Variants in VWA3B observed in about 807,000 individuals in gnomAD.
VWA3B encodes von Willebrand factor A domain-containing protein 3B.
In VWA3B, 138 loss-of-function variants were observed where a neutral mutation model predicts 158.3. The observed-to-expected ratio is 0.87, with a 90% confidence interval of 0.76 to 1.00. The LOEUF (loss-of-function observed/expected upper bound fraction) is 1.00, where lower values mean the gene tolerates loss of function less well. Ranked by LOEUF, VWA3B falls within the 50% of genes least tolerant of loss-of-function variation. The pLI, the probability that VWA3B is intolerant of heterozygous loss-of-function variation, is 0.00. For missense variants in VWA3B, 1,555 were observed against 1,565.1 expected (o/e 0.99, Z 0.11); for synonymous variants, 596 against 587.3 (o/e 1.01, Z -0.21).
chr2:98,124,799 A>G (rs951547407), intron 5 of VWA3B, among the ~76,000 whole-genome samples: 1 of 152,178 alleles, frequency 6.6e-6, no homozygotes, highest in African/African-American at 2.4e-5. Context: ...CACACTCCTA[A>G]TCTGTTTCTT....
chr2:98,294,907 C>A (rs1689711205), intron 23 of VWA3B, among the ~76,000 whole-genome samples: 2 of 152,222 alleles, frequency 1.3e-5, no homozygotes, highest in Admixed American at 1.3e-4. Context: ...CAATGAAACC[C>A]TTCATAAACT....
chr2:98,217,898 A>G lies in VWA3B; in HGVS notation c.1889A>G (p.Tyr630Cys). ...AAACGTTTTCAGGAAATTCCTATTT[A>G]TACCATCTCCTTCAATTACAATGAT... Reference protein sequence around the residue: ...QVKRFQEIPIYTISFNYNDEI... With the variant: ...QVKRFQEIPICTISFNYNDEI... The change falls in exon 14 of 28, where the codon TAT (tyrosine) becomes TGT (cysteine). Residue 630 changes from tyrosine (Y) to cysteine (C), a missense_variant. Coordinates refer to ENST00000477737, the MANE Select transcript of VWA3B (RefSeq NM_144992.5). The G allele has an allele frequency of 6.2e-7, 1 of 1,612,896 alleles. No individual in the cohort carries two copies. Among genetic ancestry groups the G allele is most frequent in the Non-Finnish European group, 8.5e-7 (1 of 1,179,476 alleles).
chr2:98,241,843 CT>C lies in VWA3B; in HGVS notation c.2673+5114del, dbSNP rs1460047572. Among the ~76,000 whole-genome samples the C allele has an allele frequency of 2.6e-5, 4 of 152,220 alleles. No individual in the cohort carries two copies. The East Asian group carries it at 7.7e-4, about 29-fold the overall frequency. On this transcript the variant is annotated intron_variant, in intron 19 of 27. Coordinates refer to ENST00000477737, the MANE Select transcript of VWA3B (RefSeq NM_144992.5). ...CCTCCCTTATTCATAGTAAGAATCA[CT>C]CTGATGACAGGCATATACTGCAGTG...
At chr2:98,325,817 C>T in the VWA3B span, among the ~76,000 whole-genome samples, 1 of 152,104 alleles carries the variant, frequency 6.6e-6, no homozygotes, top group East Asian at 1.9e-4. Flanking sequence ...AACAAGTAGA[C>T]CAAAACCAAA....
intron 14 of VWA3B, among the ~76,000 whole-genome samples, chr2:98,218,901 A>T (rs1456239592): frequency 6.6e-6 from 1 of 152,198 alleles, no homozygotes; most frequent in East Asian, 1.9e-4. Flanking sequence ...TGGAAACTTC[A>T]TAATCCTTTG....
intron 8 of VWA3B, among the ~76,000 whole-genome samples, chr2:98,180,101 T>G (rs1477416795): frequency 2.0e-5 from 3 of 147,496 alleles, no homozygotes; most frequent in Non-Finnish European, 4.5e-5. Context: ...TCTTTCTTTC[T>G]TTTCTTTCTT....
Position 98,133,057 on chromosome 2 carries a change from A to G in VWA3B, c.873-767A>G, listed in dbSNP as rs79992257. On this transcript the variant is annotated intron_variant, in intron 6 of 27. Transcript: ENST00000477737. ...GTCCACCTGAAAGAAATGTCCTGCT[A>G]TTTATGGACTTTTTGGATTCCAGTT... 5.1e-3 allele frequency among the ~76,000 whole-genome samples: 778 copies of G among 152,232 alleles called. 17 individuals are homozygous for G. In the East Asian group the frequency reaches 0.088, roughly 17 times the overall value.
chr2:98,292,662 G>A (rs557601806), intron 23 of VWA3B, among the ~76,000 whole-genome samples: 12 of 152,050 alleles, frequency 7.9e-5, no homozygotes, highest in South Asian at 4.2e-4. Context: ...ACTAGTAGTC[G>A]AATGAAAATA....
chr2:98,142,040 G>A (rs1676811361), intron 7 of VWA3B, among the ~76,000 whole-genome samples: 1 of 152,088 alleles, frequency 6.6e-6, no homozygotes, highest in South Asian at 2.1e-4. Context: ...TCCTCTGGTT[G>A]GGTGGGAAAT....
chr2:98,265,338 C>A (rs1386402517), intron 21 of VWA3B, among the ~76,000 whole-genome samples: 1 of 151,560 alleles, frequency 6.6e-6, no homozygotes, highest in Non-Finnish European at 1.5e-5. Context: ...ATGATGATTT[C>A]CAATTTCATC....
intron 22 of VWA3B, among the ~76,000 whole-genome samples, chr2:98,281,047 G>T (rs553718710): frequency 3.3e-5 from 5 of 152,188 alleles, no homozygotes; most frequent in Non-Finnish European, 7.3e-5. Context: ...TGGGCCACTC[G>T]CTCCCCGCCC....
At chr2:98,207,663 C>T (rs1683134336) in intron 12 of VWA3B, 1 of 443,320 alleles carries the variant, frequency 2.3e-6, no homozygotes, top group African/African-American at 2.0e-5. Context: ...CAGAACGGGC[C>T]TTCAGTGATG....
chr2:98,281,233 G>A (rs1488372264), intron 22 of VWA3B, among the ~76,000 whole-genome samples: 2 of 152,150 alleles, frequency 1.3e-5, no homozygotes, highest in Non-Finnish European at 2.9e-5. Context: ...AACGCTTCAG[G>A]TTAGCCCTGT....
intron 21 of VWA3B, among the ~76,000 whole-genome samples, chr2:98,260,047 C>T (rs1437217811): frequency 1.3e-5 from 2 of 151,438 alleles, no homozygotes; most frequent in African/African-American, 4.8e-5. Context: ...CCAGTTTTCC[C>T]TTCATTGTTG....
intron 25 of VWA3B, 67 bp from the exon 26 acceptor site, chr2:98,303,635 T>C (rs1690336310): frequency 2.7e-6 from 4 of 1,459,800 alleles, no homozygotes; most frequent in Non-Finnish European, 3.8e-6. Context: ...TGAGCTAGAA[T>C]AAAATTGTAT....
At chr2:98,201,214 A>G (rs1282421359) in intron 12 of VWA3B, among the ~76,000 whole-genome samples, 1 of 152,232 alleles carries the variant, frequency 6.6e-6, no homozygotes, top group Non-Finnish European at 1.5e-5. Flanking sequence ...ATCAGATTCA[A>G]GAGAATTGAC....
intron 2 of VWA3B, among the ~76,000 whole-genome samples, chr2:98,097,998 GT>G (rs1276865715): frequency 6.6e-6 from 1 of 152,058 alleles, no homozygotes; most frequent in Admixed American, 6.5e-5. Flanking sequence ...TCAGGTGCAT[GT>G]TGTTTAATTT....
At position 98,184,567 on chromosome 2, in the gene VWA3B, C is replaced by T. The variant is rs913137371; in HGVS notation, c.1311+3355C>T. Among the ~76,000 whole-genome samples the T allele has an allele frequency of 9.8e-5, 15 of 152,378 alleles. No individual in the cohort carries two copies. The East Asian group carries it at 1.5e-3, about 16-fold the overall frequency. ...GGACTCAGGAATTCTCATTGCCATGCGGCTCTGAACATCCCTTTTCTGACC... is the reference window on the plus strand; with the variant it reads ...GGACTCAGGAATTCTCATTGCCATGTGGCTCTGAACATCCCTTTTCTGACC... On this transcript the variant is annotated intron_variant, in intron 9 of 27. Transcript: ENST00000477737.
chr2:98,156,236 T>C lies in VWA3B; in HGVS notation c.989-6615T>C, dbSNP rs188987953. Among the ~76,000 whole-genome samples the C allele has an allele frequency of 2.0e-5, 3 of 152,372 alleles. No homozygotes were observed. The East Asian group carries it at 5.8e-4, about 29-fold the overall frequency. The stretch of plus-strand genomic sequence containing the variant: ...TGTTGTTGAATAAATGAGTGAATGA[T>C]GATTCTCCAAGTAGATTGTCCTACT... On this transcript the variant is annotated intron_variant, in intron 7 of 27. Transcript: ENST00000477737.
Sources: gnomAD v4.1 joint callset for allele counts (sites outside exome capture counted in the v4.1 genomes callset) on GRCh38, gnomAD v4.1.1 for gene constraint, MANE v1.5 for transcripts, NCBI Gene and HGNC (gene_info 2026-07-23, HGNC 2026-07-21) for gene names.